Variants in CNKSR2 observed in about 807,000 individuals in gnomAD.
CNKSR2 encodes the protein CNK homolog protein 2.
A neutral mutation model predicts 84.4 loss-of-function variants in CNKSR2; 14 were observed. The observed-to-expected ratio is 0.17, with a 90% confidence interval of 0.11 to 0.26. The LOEUF (loss-of-function observed/expected upper bound fraction) is 0.26. Ranked by LOEUF, CNKSR2 falls within the 10% of genes least tolerant of loss-of-function variation. The pLI is 1.00. For missense variants in CNKSR2, 485 were observed against 771.2 expected, an observed-to-expected ratio of 0.63 and a Z score of 4.40; for synonymous variants, 275 against 277.9, an observed-to-expected ratio of 0.99 and a Z score of 0.10.
intron 1 of CNKSR2, among the ~76,000 whole-genome samples, chrX:21,392,476 C>A (rs372481465): frequency 1.8e-5 from 2 of 111,669 alleles, no homozygotes; most frequent in Non-Finnish European, 3.8e-5. Flanking sequence ...GCATGCCTTA[C>A]GTGGTTGGAG....
At position 21,654,269 on chromosome X, in the gene CNKSR2, A is replaced by ATG. The variant is rs749219629; in HGVS notation, c.*1750_*1751dup. 7 of 48,888 alleles carry ATG rather than the reference A, an allele frequency of 1.4e-4. No individual in the cohort carries two copies. In the South Asian group the frequency reaches 0.018, roughly 127 times the overall value. 4.0% of individuals were successfully genotyped at this position (48,888 alleles called of 1,213,427 possible). On this transcript the variant is annotated 3_prime_UTR_variant, in exon 22 of 22. Transcript: ENST00000379510. ...ACATTAAATTTGTGGGATTTTGTAT[A>ATG]TGTAAAAAAAAAAAAAAAAAAAAAA... is the stretch of plus-strand genomic sequence containing the variant.
At position 21,526,882 on chromosome X, in the gene CNKSR2, A is replaced by C. The variant is rs1362801067; in HGVS notation, c.973A>C (p.Ser325Arg). Reference sequence around the variant, plus strand: ...TTTTAACCAGCCTCTTATACCTAGAAGTCCCACAAGCAGCGTTGCCACGCC... The same window carrying C: ...TTTTAACCAGCCTCTTATACCTAGACGTCCCACAAGCAGCGTTGCCACGCC... ...PLALQPLIPR[S>R]PTSSVATPSS... The change falls in exon 10 of 22, where the codon AGT becomes CGT. Residue 325 changes from serine (S) to arginine (R), a missense_variant. Physicochemically the swap from Ser to Arg is moderately radical, Grantham distance 110. Transcript: ENST00000379510. 1 of 1,202,756 alleles carries C rather than the reference A, an allele frequency of 8.3e-7. No homozygotes were observed. The highest frequency in any genetic ancestry group is 1.1e-6 in the Non-Finnish European group (1 of 890,372).
intron 8 of CNKSR2, among the ~76,000 whole-genome samples, chrX:21,515,746 C>T (rs2091722132): frequency 9.0e-6 from 1 of 111,443 alleles, no homozygotes; most frequent in Non-Finnish European, 1.9e-5. Context: ...AGCCCGATTT[C>T]AAGACATTTA....
intron 4 of CNKSR2, among the ~76,000 whole-genome samples, chrX:21,460,156 C>T (rs1301094489): frequency 1.8e-5 from 2 of 112,186 alleles, no homozygotes; most frequent in Non-Finnish European, 3.8e-5. Context: ...ATGTCAGTAT[C>T]TTCAAGATCT....
At chrX:21,546,106 T>C (rs1269784219) in intron 11 of CNKSR2, among the ~76,000 whole-genome samples, 1 of 110,290 alleles carries the variant, frequency 9.1e-6, no homozygotes, top group African/African-American at 3.3e-5. Flanking sequence ...CTTCAGAAGA[T>C]GGGTAATAAC....
At chrX:21,456,426 G>A (rs1601813284) in intron 4 of CNKSR2, among the ~76,000 whole-genome samples, 5 of 111,278 alleles carry the variant, frequency 4.5e-5, no homozygotes. Flanking sequence ...GTTTGACTTC[G>A]TTTTTTAGAT....
intron 20 of CNKSR2, chrX:21,644,178 C>T (rs958698257): frequency 1.8e-5 from 2 of 111,750 alleles, no homozygotes; most frequent in Non-Finnish European, 3.8e-5. Flanking sequence ...GAATGTCTCT[C>T]AAATCTGACT....
intron 1 of CNKSR2, among the ~76,000 whole-genome samples, chrX:21,383,654 T>C (rs2146949744): frequency 9.0e-6 from 1 of 111,552 alleles, no homozygotes; most frequent in South Asian, 3.7e-4. Context: ...ATTAGTTGCG[T>C]TTTTAAATGT....
intron 1 of CNKSR2, among the ~76,000 whole-genome samples, chrX:21,407,733 C>T (rs183000491): frequency 9.0e-6 from 1 of 111,183 alleles, no homozygotes; most frequent in Non-Finnish European, 1.9e-5. Context: ...AAGATCAGAG[C>T]GCTTTGTTCA....
intron 1 of CNKSR2, among the ~76,000 whole-genome samples, chrX:21,408,174 G>A (rs937543955): frequency 6.3e-5 from 7 of 111,667 alleles, no homozygotes; most frequent in African/African-American, 2.3e-4. Flanking sequence ...CTTTCACAAT[G>A]ATTATTTGCA....
At chrX:21,409,524 T>C (rs1007117709) in intron 1 of CNKSR2, among the ~76,000 whole-genome samples, 1 of 109,236 alleles carries the variant, frequency 9.2e-6, no homozygotes, top group Non-Finnish European at 1.9e-5. Flanking sequence ...TTAATGAACA[T>C]TGATCATAGT....
intron 8 of CNKSR2, among the ~76,000 whole-genome samples, chrX:21,512,674 A>G (rs2091685690): frequency 9.0e-6 from 1 of 111,715 alleles, no homozygotes; most frequent in African/African-American, 3.2e-5. Flanking sequence ...TCTATTTGTT[A>G]GGACACAAAA....
intron 13 of CNKSR2, among the ~76,000 whole-genome samples, chrX:21,581,264 A>G (rs1024097326): frequency 8.9e-6 from 1 of 112,003 alleles, no homozygotes; most frequent in Admixed American, 9.5e-5. Flanking sequence ...GAGACATACT[A>G]AGAACATGTG....
At chrX:21,469,364 T>A (rs926371914) in intron 4 of CNKSR2, among the ~76,000 whole-genome samples, 2 of 111,998 alleles carry the variant, frequency 1.8e-5, no homozygotes, top group African/African-American at 3.2e-5. Flanking sequence ...AAAATATACT[T>A]AAGTTTTATT....
intron 4 of CNKSR2, among the ~76,000 whole-genome samples, chrX:21,463,346 A>G (rs1347533902): frequency 9.0e-6 from 1 of 111,102 alleles, no homozygotes; most frequent in Non-Finnish European, 1.9e-5. Context: ...GCCTTGTAGA[A>G]TAAGTTTGAG....
At chrX:21,377,819 A>T (rs2089840880) in intron 1 of CNKSR2, among the ~76,000 whole-genome samples, 1 of 111,450 alleles carries the variant, frequency 9.0e-6, no homozygotes, top group African/African-American at 3.3e-5. Flanking sequence ...GGGGAAAAAA[A>T]GCTGACAAGA....
chrX:21,486,759 A>T (rs2091389501), intron 5 of CNKSR2, among the ~76,000 whole-genome samples: 1 of 111,914 alleles, frequency 8.9e-6, no homozygotes, highest in South Asian at 3.7e-4. Flanking sequence ...AATAGATAAT[A>T]TTGTGTTTTA....
intron 4 of CNKSR2, among the ~76,000 whole-genome samples, chrX:21,443,577 G>A (rs1169320814): frequency 3.6e-5 from 4 of 111,158 alleles, no homozygotes; most frequent in African/African-American, 9.8e-5. Context: ...ACATGTTCTT[G>A]GTTATCGCTG....
chrX:21,650,172 A>G (rs2092717299), intron 21 of CNKSR2, among the ~76,000 whole-genome samples: 1 of 111,288 alleles, frequency 9.0e-6, no homozygotes, highest in Non-Finnish European at 1.9e-5. Context: ...CTTGGAACCA[A>G]CCCAAATGCC....
Sources: gnomAD v4.1 joint callset for allele counts (sites outside exome capture counted in the v4.1 genomes callset) on GRCh38, gnomAD v4.1.1 for gene constraint, MANE v1.5 for transcripts, NCBI Gene and HGNC (gene_info 2026-07-23, HGNC 2026-07-21) for gene names.